VPS33A: variants seen among roughly 807,000 people sequenced by gnomAD.
VPS33A encodes VPS33A core subunit of CORVET and HOPS complexes.
In VPS33A, 32 loss-of-function variants were observed where a neutral mutation model predicts 71.8. That is an observed-to-expected ratio of 0.45 (90% confidence interval 0.34 to 0.60). VPS33A has a LOEUF of 0.60. VPS33A is among the 20% of genes least tolerant of loss of function. VPS33A has a pLI of 0.02. For missense variants in VPS33A, 625 were observed against 748.5 expected, an observed-to-expected ratio of 0.84 and a Z score of 1.92; for synonymous variants, 311 against 292.7, an observed-to-expected ratio of 1.06 and a Z score of -0.64.
rs762344052 is a variant in VPS33A at position 122,263,654 on chromosome 12, G to C, written c.214C>G (p.Pro72Ala). Reference sequence around the variant, plus strand: ...ATTATATTCTTCACATCAGCTGCCGGCAAACGATTTCCTTTAAGTGTGAAC... The same window carrying C: ...ATTATATTCTTCACATCAGCTGCCGCCAAACGATTTCCTTTAAGTGTGAAC... ...KMFTLKGNRLPAADVKNIIFF... is the reference protein window; with the variant it reads ...KMFTLKGNRLAAADVKNIIFF... The change falls in exon 3 of 13, where the codon CCG becomes GCG. Residue 72 changes from proline to alanine, a missense_variant. By Grantham distance (27) the Pro-to-Ala change is conservative (BLOSUM62 -1). Coordinates refer to ENST00000267199, the MANE Select transcript of VPS33A (RefSeq NM_022916.6). The C allele has an allele frequency of 1.2e-6, 2 of 1,612,960 alleles. No individual in the cohort carries two copies. Among genetic ancestry groups the C allele is most frequent in the South Asian group, 2.2e-5 (2 of 90,960 alleles).
At chr12:122,260,923 T>G (rs1954984716) in intron 4 of VPS33A, among the ~76,000 whole-genome samples, 1 of 152,136 alleles carries the variant, frequency 6.6e-6, no homozygotes, top group Non-Finnish European at 1.5e-5. Context: ...TGCAGTGAGC[T>G]GAGATCGCGC....
intron 4 of VPS33A, among the ~76,000 whole-genome samples, chr12:122,259,113 C>G: frequency 6.6e-6 from 1 of 151,868 alleles, no homozygotes; most frequent in East Asian, 1.9e-4. Context: ...TTGGCAGCTC[C>G]TCCAAATGTT....
chr12:122,261,449 T>C lies in VPS33A; in HGVS notation c.297-2A>G. ...CTCGTTGGGCCTCGTCTATCTTCAC[T>C]GCAAAGGAAGCAACATTTGTTAGCT... On this transcript the variant is annotated splice_acceptor_variant, in intron 3 of 12. Coordinates refer to ENST00000267199, the MANE Select transcript of VPS33A (RefSeq NM_022916.6). LOFTEE classifies it high-confidence loss of function. 6.2e-7 allele frequency: 1 copy of C among 1,612,682 alleles called. No individual in the cohort carries two copies. The highest frequency in any genetic ancestry group is 8.5e-7 in the Non-Finnish European group (1 of 1,179,700).
chr12:122,244,762 C>T lies in VPS33A; in HGVS notation c.776G>A (p.Ser259Asn). Residue 259 changes from serine (S) to asparagine (N), a missense_variant and splice_region_variant, in exon 7 of 13, where the codon AGT becomes AAT. Physicochemically the swap from Ser to Asn is conservative, Grantham distance 46. Coordinates refer to ENST00000267199, the MANE Select transcript of VPS33A (RefSeq NM_022916.6). ...TTTCTCTGGAGGTAATTTCACATAA[C>T]CTGAGCAGCAGTGGAAGGGAATAAG... Reference protein sequence around the residue: ...LIDEIYGIQNSYVKLPPEKFA... With the variant: ...LIDEIYGIQNNYVKLPPEKFA... 6.2e-7 allele frequency: 1 copy of T among 1,610,326 alleles called. No homozygotes were observed. Among genetic ancestry groups the T allele is most frequent in the Non-Finnish European group, 8.5e-7 (1 of 1,177,094 alleles).
rs1566054364 is a variant in VPS33A, at chr12:122,263,555, C to G, written c.296+17G>C. 6.3e-7 allele frequency: 1 copy of G among 1,585,038 alleles called. No homozygotes were observed. On this transcript the variant is annotated intron_variant, in intron 3 of 12. Transcript: ENST00000267199. ...AAGAACCAAACTCTTTTGGATCAAA[C>G]ACAAGCTCTGAGATACCTGAGCACG...
intron 4 of VPS33A, among the ~76,000 whole-genome samples, chr12:122,256,206 T>A (rs1954916017): frequency 6.6e-6 from 1 of 152,122 alleles, no homozygotes; most frequent in South Asian, 2.1e-4. Flanking sequence ...GAAAAAAAGA[T>A]TCCAATAATT....
chr12:122,249,979 C>T lies in VPS33A; in HGVS notation c.667G>A (p.Val223Ile), dbSNP rs373733055. Residue 223 changes from valine (V) to isoleucine (I), a missense_variant, in exon 6 of 13, where the codon GTT (valine) becomes ATT (isoleucine). By Grantham distance (29) the Val-to-Ile change is conservative. Coordinates refer to ENST00000267199, the MANE Select transcript of VPS33A (RefSeq NM_022916.6). ...TCAAGCAACAAGAGATTATCAAAAA[C>T]AGGAAATATTGAATTCTGGCTTCCT... Reference protein sequence around the residue: ...FTGSQNSIFPVFDNLLLLDRN... With the variant: ...FTGSQNSIFPIFDNLLLLDRN... 235 of 1,614,024 alleles carry T rather than the reference C, an allele frequency of 1.5e-4. No individual in the cohort carries two copies. Among genetic ancestry groups the T allele is most frequent in the Admixed American group, 7.2e-4 (43 of 59,992 alleles).
chr12:122,252,276 A>T (rs868173569), intron 4 of VPS33A, among the ~76,000 whole-genome samples: 23 of 148,128 alleles, frequency 1.6e-4, no homozygotes, highest in African/African-American at 2.2e-4. Context: ...TTTTATTTTT[A>T]TTTTTTTTTT....
chr12:122,238,984 CACATACAT>C (rs933650015), intron 9 of VPS33A, among the ~76,000 whole-genome samples: 2 of 138,270 alleles, frequency 1.4e-5, no homozygotes, highest in African/African-American at 2.8e-5. Context: ...ACCCCACACA[CACATACAT>C]ACATACACAC....
intron 4 of VPS33A, among the ~76,000 whole-genome samples, chr12:122,251,523 G>A (rs537991185): frequency 5.3e-4 from 80 of 152,296 alleles, no homozygotes; most frequent in South Asian, 5.0e-3. Flanking sequence ...ACCACAGGAC[G>A]AATACTTTAT....
At chr12:122,264,107 C>G (rs775204011) in intron 2 of VPS33A, 27 bp downstream of exon 2, 15 of 1,502,402 alleles carry the variant, frequency 1.0e-5, no homozygotes, top group Non-Finnish European at 1.4e-5. Flanking sequence ...TATTAATCCC[C>G]TAACAAAACC....
chr12:122,242,436 T>C lies in VPS33A; in HGVS notation c.1042A>G (p.Arg348Gly), dbSNP rs776530653. 1 of 1,614,036 alleles carries C rather than the reference T, an allele frequency of 6.2e-7. No homozygotes were observed. Among genetic ancestry groups the C allele is most frequent in the Non-Finnish European group, 8.5e-7 (1 of 1,180,006 alleles). The change falls in exon 8 of 13, where the codon AGG becomes GGG. Residue 348 changes from arginine to glycine, a missense_variant. Transcript: ENST00000267199. ...VSQLPHMQAA[R>G]GSLANHTSIA... ...GAGGTATGGTTTGCAAGCGAGCCCC[T>C]TGCTGCCTGCATGTGGGGCAACTGG...
In VPS33A at chr12:122,266,444, GA is replaced by G. The variant is rs768452887; in HGVS notation, c.-37del. The G allele has an allele frequency of 6.3e-7, 1 of 1,590,950 alleles. No individual in the cohort carries two copies. The highest frequency in any genetic ancestry group is 1.3e-5 in the African/African-American group (1 of 74,398). On this transcript the variant is annotated 5_prime_UTR_variant, in exon 1 of 13. Coordinates refer to ENST00000267199, the MANE Select transcript of VPS33A (RefSeq NM_022916.6). ...CACCCCCTGCCCCACAACGCCAACC[GA>G]GTCCGCCGGTTCCTACGGGAGGACC...
intron 1 of VPS33A, 22 bp from the exon 2 acceptor site, chr12:122,264,221 C>G (rs772254972): frequency 6.6e-7 from 1 of 1,507,444 alleles, no homozygotes; most frequent in East Asian, 2.3e-5. Flanking sequence ...GAGAAACATT[C>G]TCTTATTATA....
In VPS33A at chr12:122,235,808, C is replaced by T; in HGVS notation, c.1418G>A (p.Trp473Ter). The T allele has an allele frequency of 1.9e-6, 3 of 1,612,968 alleles. No homozygotes were observed. The highest frequency in any genetic ancestry group is 1.7e-6 in the Non-Finnish European group (2 of 1,179,582). ...YPTIRKTLRL[W>*]MDDVNEQNPT... The stretch of plus-strand genomic sequence containing the variant: ...TACTTGCTCATTAACATCATCCATC[C>T]AGAGGCGTAATGTTTTCCGTATAGT... The change falls in exon 11 of 13, where the codon TGG becomes TAG. Residue 473 changes from tryptophan (W) to a stop codon, truncating the protein, a stop_gained. Transcript: ENST00000267199. LOFTEE classifies it high-confidence loss of function.
At chr12:122,238,162 A>G (rs1372426051) in intron 10 of VPS33A, among the ~76,000 whole-genome samples, 1 of 152,180 alleles carries the variant, frequency 6.6e-6, no homozygotes, top group Non-Finnish European at 1.5e-5. Context: ...TTTATACAAC[A>G]GTCGTTACAA....
At chr12:122,238,825 T>G (rs1217110060) in intron 9 of VPS33A, 101 bp from the exon 10 acceptor site, 2 of 1,182,758 alleles carry the variant, frequency 1.7e-6, no homozygotes, top group African/African-American at 3.6e-5. Flanking sequence ...GTTTAGGAAC[T>G]TAACTTGATG....
chr12:122,250,919 G>T, intron 5 of VPS33A, 64 bp downstream of exon 5: 1 of 1,197,796 alleles, frequency 8.3e-7, no homozygotes, highest in Non-Finnish European at 1.2e-6. Context: ...GGAGCTTCCC[G>T]TTCCTCCTCC....
In VPS33A at chr12:122,249,897, A is replaced by T; in HGVS notation, c.749T>A (p.Ile250Asn). 1 of 1,613,772 alleles carries T rather than the reference A, an allele frequency of 6.2e-7. No homozygotes were observed. Among genetic ancestry groups the T allele is most frequent in the Non-Finnish European group, 8.5e-7 (1 of 1,179,914 alleles). ...LATQLTYEGL[I>N]DEIYGIQNSY... ...GTTCTGAATGCCATAAATTTCATCA[A>T]TGAGTCCTTCATATGTCAGCTGAGT... Residue 250 changes from isoleucine to asparagine, a missense_variant, in exon 6 of 13, where the codon ATT (isoleucine) becomes AAT (asparagine). Transcript: ENST00000267199.
Sources: allele counts gnomAD v4.1 joint callset (sites outside exome capture counted in the v4.1 genomes callset), GRCh38; gene constraint gnomAD v4.1.1; transcripts MANE v1.5; gene names NCBI Gene and HGNC (gene_info 2026-07-23, HGNC 2026-07-21).